FLT1: variants seen among roughly 807,000 people sequenced by gnomAD.
FLT1 encodes the protein fms related receptor tyrosine kinase 1.
In FLT1, 49 loss-of-function variants were observed where a neutral mutation model predicts 156.3. That is an observed-to-expected ratio of 0.31 (90% CI 0.25 to 0.40). The LOEUF (loss-of-function observed/expected upper bound fraction) is 0.40, where lower values mean the gene tolerates loss of function less well. FLT1 is among the 10% of genes least tolerant of loss of function. FLT1 has a pLI of 1.00. For missense variants in FLT1, 1,322 were observed against 1,637.2 expected (o/e 0.81, Z 3.32); for synonymous variants, 594 against 583.8 (o/e 1.02, Z -0.25).
chr13:28,357,612 G>T lies in FLT1; in HGVS notation c.2190C>A (p.His730Gln). The T allele has an allele frequency of 6.2e-7, 1 of 1,613,652 alleles. No individual in the cohort carries two copies. Among genetic ancestry groups the T allele is most frequent in the Non-Finnish European group, 8.5e-7 (1 of 1,179,546 alleles). ...AGCCCTTCTGGTTGGTGGCTTTGCA[G>T]TGATAGACACCTTCATCCTCTTCTG... ...RVTEEDEGVY[H>Q]CKATNQKGSV... Residue 730 changes from histidine to glutamine, a missense_variant, in exon 15 of 30, where the codon CAC becomes CAA. By Grantham distance (24) the His-to-Gln change is conservative. Coordinates refer to ENST00000282397, the MANE Select transcript of FLT1 (RefSeq NM_002019.4).
intron 3 of FLT1, among the ~76,000 whole-genome samples, chr13:28,460,451 G>C (rs956628080): frequency 6.6e-6 from 1 of 152,114 alleles, no homozygotes; most frequent in African/African-American, 2.4e-5. Flanking sequence ...GTGTGGAGTA[G>C]GTATGTAATC....
chr13:28,322,653 C>G lies in FLT1; in HGVS notation c.2953+137G>C. 1.2e-6 allele frequency: 1 copy of G among 845,072 alleles called. No homozygotes were observed. Among genetic ancestry groups the G allele is most frequent in the South Asian group, 1.4e-5 (1 of 71,718 alleles). 52.3% of individuals were successfully genotyped at this position (845,072 alleles called of 1,614,324 possible). Reference sequence around the variant, plus strand: ...CTCTGTAAATTATCTTAATTCAAATCTTATCTCCTCAGGACATTACCATTC... The same window carrying G: ...CTCTGTAAATTATCTTAATTCAAATGTTATCTCCTCAGGACATTACCATTC... On this transcript the variant is annotated intron_variant, in intron 21 of 29. Transcript: ENST00000282397. The surrounding 1 kb of genome is among the most constrained non-coding windows in gnomAD (Gnocchi z 4.3).
Position 28,356,292 on chromosome 13 carries a change from G to A in FLT1, c.2248+1262C>T, listed in dbSNP as rs372722719. 2.9e-4 allele frequency among the ~76,000 whole-genome samples: 44 copies of A among 152,294 alleles called. No individual in the cohort carries two copies. The East Asian group carries it at 8.3e-3, about 29-fold the overall frequency. Reference sequence around the variant, plus strand: ...GTCTCCTTGCTCTCTGTGTTCCCTGGCCCGGCACGGCCATTCCTGAGGGCT... The same window carrying A: ...GTCTCCTTGCTCTCTGTGTTCCCTGACCCGGCACGGCCATTCCTGAGGGCT... On this transcript the variant is annotated intron_variant, in intron 15 of 29. Coordinates refer to ENST00000282397, the MANE Select transcript of FLT1 (RefSeq NM_002019.4).
chr13:28,405,681 G>T (rs1875742629), intron 11 of FLT1, 99 bp downstream of exon 11: 2 of 774,360 alleles, frequency 2.6e-6, no homozygotes, highest in South Asian at 2.8e-5. Flanking sequence ...ATTTTTGTTT[G>T]AACATTTAAA....
chr13:28,470,360 T>A (rs879209200), intron 1 of FLT1, among the ~76,000 whole-genome samples: 1 of 152,196 alleles, frequency 6.6e-6, no homozygotes. Context: ...GCCAGAATAG[T>A]TTCTGCCCTT....
chr13:28,405,873 A>G lies in FLT1; in HGVS notation c.1458T>C (p.Asn486=). The G allele has an allele frequency of 6.2e-7, 1 of 1,604,716 alleles. No homozygotes were observed. The highest frequency in any genetic ancestry group is 8.5e-7 in the Non-Finnish European group (1 of 1,173,700). ...CAGCATCCAGGATAAAGGACTCTTC[A>G]TTATTGGAACAAAAGTCACACCTAT... ...SEARCDFCSN[N]EESFILDADS... is the part of the protein sequence containing the mutation. Residue 486 remains asparagine (N), a synonymous_variant, in exon 11 of 30, where the codon AAT becomes AAC. Transcript: ENST00000282397.
chr13:28,482,517 G>A (rs1344446453), intron 1 of FLT1, among the ~76,000 whole-genome samples: 2 of 151,280 alleles, frequency 1.3e-5, no homozygotes, highest in Non-Finnish European at 3.0e-5. Flanking sequence ...GAAAAAAAAA[G>A]AAAAGAAAAT....
chr13:28,314,281 G>A (rs553968649), intron 25 of FLT1, among the ~76,000 whole-genome samples: 17 of 152,176 alleles, frequency 1.1e-4, no homozygotes, highest in African/African-American at 3.6e-4. Flanking sequence ...ACTCGTAAAC[G>A]GAACCATCTA....
At chr13:28,330,466 A>G (rs1871879939) in intron 18 of FLT1, among the ~76,000 whole-genome samples, 1 of 151,892 alleles carries the variant, frequency 6.6e-6, no homozygotes. Flanking sequence ...GAGTTGGAAT[A>G]AAATGTTCTA....
chr13:28,475,907 T>C (rs1374117007), intron 1 of FLT1, among the ~76,000 whole-genome samples: 1 of 152,162 alleles, frequency 6.6e-6, no homozygotes, highest in Non-Finnish European at 1.5e-5. Flanking sequence ...TCCAGAATGA[T>C]GGAGAAAGGC....
At chr13:28,479,596 A>G (rs1266777983) in intron 1 of FLT1, among the ~76,000 whole-genome samples, 1 of 152,226 alleles carries the variant, frequency 6.6e-6, no homozygotes. Flanking sequence ...GTAATCCATT[A>G]AAAGTAGTAC....
At chr13:28,395,941 G>A (rs1304917197) in intron 12 of FLT1, among the ~76,000 whole-genome samples, 3 of 152,160 alleles carry the variant, frequency 2.0e-5, no homozygotes, top group African/African-American at 4.8e-5. Context: ...TACGACTATG[G>A]GTTGAGACAG....
At chr13:28,429,913 TAC>T (rs1460696898) in intron 8 of FLT1, 135 bp downstream of exon 8, 2 of 749,584 alleles carry the variant, frequency 2.7e-6, no homozygotes, top group Non-Finnish European at 4.9e-6. Context: ...CCCAAGAATC[TAC>T]AGAGTTCTGA....
rs914832680 is a variant in FLT1 at position 28,386,118 on chromosome 13, C to G, written c.1970-1087G>C. The G allele has an allele frequency of 2.8e-6, 3 of 1,052,952 alleles. No individual in the cohort carries two copies. The African/African-American group carries it at 5.0e-5, about 17-fold the overall frequency. 65.2% of individuals were successfully genotyped at this position (1,052,952 alleles called of 1,614,324 possible). ...AGCTTTCTCTGCCCATTTTCGATTT[C>G]CTCATCTTAGTGTACTAAAACTGTG... On this transcript the variant is annotated intron_variant, in intron 13 of 29. Transcript: ENST00000282397.
intron 24 of FLT1, among the ~76,000 whole-genome samples, chr13:28,319,163 A>G (rs910218886): frequency 5.3e-5 from 8 of 152,038 alleles, no homozygotes; most frequent in African/African-American, 1.9e-4. Flanking sequence ...CAGACTTTAT[A>G]CCCTTGTTCA....
intron 1 of FLT1, among the ~76,000 whole-genome samples, chr13:28,489,755 T>A (rs1881369733): frequency 6.6e-6 from 1 of 152,062 alleles, no homozygotes; most frequent in Non-Finnish European, 1.5e-5. Flanking sequence ...TGGAGAGAAG[T>A]GGCGAAAGAC....
At chr13:28,454,312 C>G (rs140026963) in intron 3 of FLT1, among the ~76,000 whole-genome samples, 3 of 152,270 alleles carry the variant, frequency 2.0e-5, no homozygotes, top group Admixed American at 1.3e-4. Context: ...AAGTAATACT[C>G]TTCTCATTTT....
chr13:28,459,725 T>G (rs1196625303), intron 3 of FLT1, among the ~76,000 whole-genome samples: 1 of 152,252 alleles, frequency 6.6e-6, no homozygotes, highest in Non-Finnish European at 1.5e-5. Flanking sequence ...CTATTTTCCC[T>G]TGGAGGAGAA....
chr13:28,456,725 G>A (rs1363753176), intron 3 of FLT1, among the ~76,000 whole-genome samples: 2 of 151,984 alleles, frequency 1.3e-5, no homozygotes, highest in Non-Finnish European at 2.9e-5. Context: ...GAACCCTGGA[G>A]GCAGAGGTTG....
Sources: gnomAD v4.1 joint callset for allele counts (sites outside exome capture counted in the v4.1 genomes callset) on GRCh38, gnomAD v4.1.1 for gene constraint, Gnocchi (gnomAD v3.1) non-coding constraint, MANE v1.5 for transcripts, NCBI Gene and HGNC (gene_info 2026-07-23, HGNC 2026-07-21) for gene names.